Variants in CTNNA3 observed in about 807,000 individuals in gnomAD.
CTNNA3 encodes the protein catenin alpha-3.
Under a neutral mutation model 95.7 loss-of-function variants are expected in CTNNA3, and 76 were observed. The ratio of observed to expected loss-of-function variants is 0.79; its 90% confidence interval spans 0.66 to 0.96. The LOEUF is 0.96. Among genes scored for constraint, CTNNA3 ranks in the 40% least tolerant of loss-of-function variants. CTNNA3 has a pLI of 0.00. For synonymous variants in CTNNA3, 431 were observed against 374.4 expected (o/e 1.15, Z -1.74); for missense variants, 1,191 against 1,089.8 (o/e 1.09, Z -1.31).
chr10:66,502,800 C>G (rs1840322675), intron 11 of CTNNA3, among the ~76,000 whole-genome samples: 1 of 151,944 alleles, frequency 6.6e-6, no homozygotes, highest in Admixed American at 6.6e-5. Context: ...TTCAATAAAC[C>G]TAGAGGGGGA....
intron 5 of CTNNA3, among the ~76,000 whole-genome samples, chr10:67,394,113 T>G (rs1844628683): frequency 6.6e-6 from 1 of 152,184 alleles, no homozygotes; most frequent in East Asian, 1.9e-4. Flanking sequence ...TTATGAGTAT[T>G]TCTTATCTTT....
At chr10:67,396,779 G>C (rs186242507) in intron 5 of CTNNA3, among the ~76,000 whole-genome samples, 51 of 118,364 alleles carry the variant, frequency 4.3e-4, no homozygotes, top group African/African-American at 1.7e-3. Context: ...GACACGGTGG[G>C]AGGTAATTGA....
At chr10:67,355,812 T>C (rs1434629146) in intron 5 of CTNNA3, among the ~76,000 whole-genome samples, 1 of 152,040 alleles carries the variant, frequency 6.6e-6, no homozygotes, top group African/African-American at 2.4e-5. Context: ...CTTTATATAT[T>C]GCACTGTGTA....
chr10:66,843,738 T>A (rs1023481058), intron 7 of CTNNA3, among the ~76,000 whole-genome samples: 2 of 152,226 alleles, frequency 1.3e-5, no homozygotes, highest in African/African-American at 4.8e-5. Flanking sequence ...CATGACCCTT[T>A]TATTTCTCAT....
chr10:67,206,829 T>C (rs74233486), intron 6 of CTNNA3, among the ~76,000 whole-genome samples: 2,862 of 151,688 alleles, frequency 0.019, 137 homozygotes, highest in East Asian at 0.18. Flanking sequence ...ATCAAGCCAA[T>C]ATCCCATAAA....
chr10:66,393,737 A>AT (rs1312685996), intron 11 of CTNNA3, among the ~76,000 whole-genome samples: 1 of 152,064 alleles, frequency 6.6e-6, no homozygotes, highest in African/African-American at 2.4e-5. Context: ...TAACATATAC[A>AT]TAAGATTTTG....
At chr10:66,847,571 T>C (rs879646781) in intron 7 of CTNNA3, among the ~76,000 whole-genome samples, 2 of 152,186 alleles carry the variant, frequency 1.3e-5, no homozygotes, top group Non-Finnish European at 2.9e-5. Context: ...TCCTCATCAT[T>C]AAAATAATAC....
At chr10:66,899,298 T>A (rs1037125263) in intron 7 of CTNNA3, among the ~76,000 whole-genome samples, 2 of 152,212 alleles carry the variant, frequency 1.3e-5, no homozygotes, top group Non-Finnish European at 2.9e-5. Flanking sequence ...GAAAACAGTA[T>A]GGAGTTTCCT....
At chr10:66,225,989 A>T (rs2089268012) in intron 13 of CTNNA3, among the ~76,000 whole-genome samples, 1 of 152,088 alleles carries the variant, frequency 6.6e-6, no homozygotes, top group Admixed American at 6.5e-5. Context: ...AGTAGTATGC[A>T]AATATTTTCT....
intron 11 of CTNNA3, among the ~76,000 whole-genome samples, chr10:66,447,315 A>G (rs2093430097): frequency 6.6e-6 from 1 of 151,804 alleles, no homozygotes; most frequent in African/African-American, 2.4e-5. Context: ...ACAGAATTGG[A>G]AAAAACTACT....
chr10:65,974,938 A>T (rs954511592), intron 16 of CTNNA3, among the ~76,000 whole-genome samples: 1 of 152,146 alleles, frequency 6.6e-6, no homozygotes, highest in African/African-American at 2.4e-5. Flanking sequence ...AATGACCTAA[A>T]CTGCAAATTA....
At chr10:67,110,894 A>G (rs1334919627) in intron 7 of CTNNA3, among the ~76,000 whole-genome samples, 8 of 152,152 alleles carry the variant, frequency 5.3e-5, no homozygotes, top group Admixed American at 5.2e-4. Context: ...TTATAATGAG[A>G]TGGTTCTAAG....
intron 12 of CTNNA3, among the ~76,000 whole-genome samples, chr10:66,305,290 T>A (rs1009719611): frequency 6.6e-6 from 1 of 152,340 alleles, no homozygotes; most frequent in Non-Finnish European, 1.5e-5. Context: ...TGCACACACA[T>A]ATCATGTTTG....
chr10:66,725,522 A>T (rs1848754000), intron 9 of CTNNA3, among the ~76,000 whole-genome samples: 1 of 152,106 alleles, frequency 6.6e-6, no homozygotes, highest in Non-Finnish European at 1.5e-5. Context: ...ATCATTGCTA[A>T]AGTGCTGTAA....
At chr10:66,090,061 C>T (rs541209619) in intron 14 of CTNNA3, among the ~76,000 whole-genome samples, 5 of 151,994 alleles carry the variant, frequency 3.3e-5, no homozygotes, top group Admixed American at 6.6e-5. Context: ...TGCAAGCAAA[C>T]GGATTTAGGC....
At chr10:67,162,150 A>T (rs1330600302) in intron 7 of CTNNA3, among the ~76,000 whole-genome samples, 1 of 152,048 alleles carries the variant, frequency 6.6e-6, no homozygotes, top group Non-Finnish European at 1.5e-5. Flanking sequence ...GGATATAGAA[A>T]AATTCAACAA....
intron 7 of CTNNA3, among the ~76,000 whole-genome samples, chr10:66,895,274 C>G (rs551801251): frequency 2.6e-5 from 4 of 152,108 alleles, no homozygotes; most frequent in African/African-American, 9.6e-5. Flanking sequence ...GAATTGCAGT[C>G]TTTTTGTTAC....
intron 5 of CTNNA3, among the ~76,000 whole-genome samples, chr10:67,410,540 G>T (rs913927400): frequency 2.0e-5 from 3 of 151,330 alleles, no homozygotes; most frequent in Admixed American, 6.6e-5. Flanking sequence ...AAAAAATAGT[G>T]TTGGCAAGAG....
intron 13 of CTNNA3, among the ~76,000 whole-genome samples, chr10:66,131,420 CA>C (rs1220935732): frequency 6.6e-6 from 1 of 152,136 alleles, no homozygotes; most frequent in East Asian, 1.9e-4. Flanking sequence ...ATATGCAGAT[CA>C]ATAAATGTGA....
Sources: allele counts gnomAD v4.1 joint callset (sites outside exome capture counted in the v4.1 genomes callset), GRCh38; gene constraint gnomAD v4.1.1; transcripts MANE v1.5; gene names NCBI Gene and HGNC (gene_info 2026-07-23, HGNC 2026-07-21).